The following PAPPA variants were observed in gnomAD, a reference collection of about 807,000 sequenced individuals.
PAPPA encodes the protein pappalysin-1.
PAPPA carries 60 observed loss-of-function variants against 164.0 expected under a neutral mutation model. That is an observed-to-expected ratio of 0.37 (90% CI 0.30 to 0.45). The LOEUF (loss-of-function observed/expected upper bound fraction) is 0.45. Ranked by LOEUF, PAPPA falls within the 20% of genes least tolerant of loss-of-function variation. The pLI is 1.00. For synonymous variants in PAPPA, 875 were observed against 814.1 expected (o/e 1.07, Z -1.27); for missense variants, 1,782 against 2,087.3 (o/e 0.85, Z 2.85).
At chr9:116,272,740 T>C (rs1356770400) in intron 9 of PAPPA, among the ~76,000 whole-genome samples, 1 of 152,200 alleles carries the variant, frequency 6.6e-6, no homozygotes, top group Admixed American at 6.5e-5. Context: ...TTGAATATGG[T>C]CCGGTCCCTA....
At chr9:116,352,991 A>C (rs925882999) in intron 16 of PAPPA, 75 bp downstream of exon 16, 10 of 1,077,650 alleles carry the variant, frequency 9.3e-6, no homozygotes, top group Non-Finnish European at 1.4e-5. Context: ...GACTGGACGG[A>C]AGCACTCATT....
At chr9:116,294,281 A>G (rs1056495661) in intron 9 of PAPPA, among the ~76,000 whole-genome samples, 7 of 152,164 alleles carry the variant, frequency 4.6e-5, no homozygotes, top group Non-Finnish European at 7.3e-5. Flanking sequence ...TATGTGGCCA[A>G]CCTTTGAAGG....
chr9:116,162,065 A>G, intron 1 of PAPPA, among the ~76,000 whole-genome samples: 1 of 152,228 alleles, frequency 6.6e-6, no homozygotes, highest in East Asian at 1.9e-4. Context: ...TCCTCTCTGT[A>G]CACTTGCAAA....
chr9:116,188,247 T>A, intron 2 of PAPPA, 31 bp downstream of exon 2: 1 of 1,520,146 alleles, frequency 6.6e-7, no homozygotes, highest in Non-Finnish European at 9.0e-7. Flanking sequence ...AGATGCCCAG[T>A]TGAAAGTTGA....
intron 18 of PAPPA, among the ~76,000 whole-genome samples, chr9:116,365,343 G>A (rs1405154154): frequency 2.0e-5 from 3 of 152,162 alleles, no homozygotes; most frequent in African/African-American, 4.8e-5. Context: ...CCCTCCCCGC[G>A]CCTCCCGGGA....
intron 2 of PAPPA, among the ~76,000 whole-genome samples, chr9:116,192,674 A>G (rs1040643848): frequency 1.1e-4 from 16 of 152,312 alleles, no homozygotes; most frequent in African/African-American, 3.8e-4. Context: ...ATGCCTTTCT[A>G]TGAGACTAGC....
intron 13 of PAPPA, among the ~76,000 whole-genome samples, chr9:116,340,741 A>G (rs1040183039): frequency 6.6e-6 from 1 of 152,212 alleles, no homozygotes; most frequent in African/African-American, 2.4e-5. Context: ...TTAAAAAACA[A>G]TGTGTACCTT....
intron 10 of PAPPA, among the ~76,000 whole-genome samples, chr9:116,329,649 A>AT (rs1160397711): frequency 1.3e-5 from 2 of 152,040 alleles, no homozygotes; most frequent in African/African-American, 4.8e-5. Flanking sequence ...GCTTTGTGTT[A>AT]TTTTTATAAA....
chr9:116,293,098 T>A (rs1845456782), intron 9 of PAPPA, among the ~76,000 whole-genome samples: 3 of 152,068 alleles, frequency 2.0e-5, no homozygotes, highest in Admixed American at 6.6e-5. Context: ...GAGTGGTGAG[T>A]ATAGAAGCTA....
At chr9:116,169,430 C>T (rs1244788079) in intron 1 of PAPPA, among the ~76,000 whole-genome samples, 2 of 148,878 alleles carry the variant, frequency 1.3e-5, no homozygotes, top group Non-Finnish European at 3.0e-5. Context: ...AGCAATTCTC[C>T]TGCCTCAGCC....
chr9:116,371,583 T>TA (rs1176347891), intron 19 of PAPPA, among the ~76,000 whole-genome samples: 1 of 152,200 alleles, frequency 6.6e-6, no homozygotes, highest in Admixed American at 6.5e-5. Flanking sequence ...AGTTCTTTTC[T>TA]ACTTTTCTTT....
chr9:116,230,123 C>T (rs765682482), intron 6 of PAPPA, among the ~76,000 whole-genome samples: 2 of 152,190 alleles, frequency 1.3e-5, no homozygotes, highest in Non-Finnish European at 2.9e-5. Context: ...GGAAACCCAG[C>T]AGCCTTGGGT....
chr9:116,309,234 C>T (rs969164793), intron 10 of PAPPA, among the ~76,000 whole-genome samples: 1 of 152,076 alleles, frequency 6.6e-6, no homozygotes, highest in Non-Finnish European at 1.5e-5. Flanking sequence ...TGCCACTATG[C>T]CCAGCTAATT....
Position 116,398,852 on chromosome 9 carries a change from A to G in PAPPA, c.*2236A>G, listed in dbSNP as rs1191042576. On this transcript the variant is annotated 3_prime_UTR_variant, in exon 22 of 22. Transcript: ENST00000328252. ...ATTATTAGCAAGAAATAAGAATAGT[A>G]TTAGAAGAATTGATCCTATTTTGAA... The G allele has an allele frequency of 1.6e-5, 6 of 369,266 alleles. No homozygotes were observed. Among genetic ancestry groups the G allele is most frequent in the Non-Finnish European group, 2.7e-5 (5 of 187,506 alleles). The allele number at this position is 369,266 out of a possible 1,614,324, so 22.9% of individuals were successfully genotyped here.
intron 20 of PAPPA, among the ~76,000 whole-genome samples, chr9:116,379,472 T>C (rs1846698686): frequency 6.6e-6 from 1 of 152,172 alleles, no homozygotes. Flanking sequence ...TGGGAATACA[T>C]TGGTGTTAGT....
At chr9:116,202,940 G>A (rs1487626862) in intron 2 of PAPPA, among the ~76,000 whole-genome samples, 3 of 152,112 alleles carry the variant, frequency 2.0e-5, no homozygotes, top group Non-Finnish European at 4.4e-5. Flanking sequence ...GCCCTCTGTA[G>A]ACCATGATCT....
In PAPPA at chr9:116,271,580, C is replaced by T. The variant is rs890611243; in HGVS notation, c.2953+164C>T. On this transcript the variant is annotated intron_variant, in intron 9 of 21. Coordinates refer to ENST00000328252, the MANE Select transcript of PAPPA (RefSeq NM_002581.5). The surrounding 1 kb of genome is among the most constrained non-coding windows in gnomAD (Gnocchi z 4.2). ...ACATGCCAGGCACTGTTTTCAATAT[C>T]GGGAAATACAGCAGTGAAAAAACAA... Among the ~76,000 whole-genome samples, 1 of 152,126 alleles carries T rather than the reference C, an allele frequency of 6.6e-6. No individual in the cohort carries two copies. The highest frequency in any genetic ancestry group is 1.5e-5 in the Non-Finnish European group (1 of 68,016).
Position 116,187,589 on chromosome 9 carries a change from T to C in PAPPA, c.851T>C (p.Leu284Pro), listed in dbSNP as rs753029945. 6.2e-7 allele frequency: 1 copy of C among 1,614,144 alleles called. No homozygotes were observed. Among genetic ancestry groups the C allele is most frequent in the Non-Finnish European group, 8.5e-7 (1 of 1,180,032 alleles). Residue 284 changes from leucine (L) to proline (P), a missense_variant, in exon 2 of 22, where the codon CTC becomes CCC. Physicochemically the swap from Leu to Pro is moderately conservative, Grantham distance 98 (BLOSUM62 -3). Coordinates refer to ENST00000328252, the MANE Select transcript of PAPPA (RefSeq NM_002581.5). The surrounding 1 kb of genome is among the most constrained non-coding windows in gnomAD (Gnocchi z 4.2). ...THGAHTALPQ[L>P]LLQENWDNVK... Reference sequence around the variant, plus strand: ...GGCGCCCACACTGCTCTACCTCAGCTCCTCCTCCAGGAGAACTGGGACAAT... The same window carrying C: ...GGCGCCCACACTGCTCTACCTCAGCCCCTCCTCCAGGAGAACTGGGACAAT...
intron 9 of PAPPA, among the ~76,000 whole-genome samples, chr9:116,279,960 T>G (rs964640921): frequency 6.6e-6 from 1 of 152,188 alleles, no homozygotes; most frequent in South Asian, 2.1e-4. Context: ...GATATAGACC[T>G]AATTGTAGCC....
Sources: allele counts gnomAD v4.1 joint callset (sites outside exome capture counted in the v4.1 genomes callset), GRCh38; gene constraint gnomAD v4.1.1; non-coding constraint Gnocchi (gnomAD v3.1); transcripts MANE v1.5; gene names NCBI Gene and HGNC (gene_info 2026-07-23, HGNC 2026-07-21).